The following TENM3 variants were observed in gnomAD, a reference collection of about 807,000 sequenced individuals.
TENM3 encodes the protein teneurin transmembrane protein 3.
Under a neutral mutation model 255.1 loss-of-function variants are expected in TENM3, and 63 were observed. That is an observed-to-expected ratio of 0.25 (90% CI 0.20 to 0.30). TENM3 has a LOEUF of 0.30. TENM3 is among the 10% of genes least tolerant of loss of function. The pLI is 1.00. For synonymous variants in TENM3, 1,306 were observed against 1,322.3 expected (o/e 0.99, Z 0.27); for missense variants, 2,929 against 3,461.1 (o/e 0.85, Z 3.86).
chr4:182,189,018 G>A (rs1753341872), intron 1 of TENM3, among the ~76,000 whole-genome samples: 1 of 151,972 alleles, frequency 6.6e-6, no homozygotes, highest in Admixed American at 6.6e-5. Flanking sequence ...TTTAAAAGCT[G>A]TAAGACTTTG....
intron 4 of TENM3, among the ~76,000 whole-genome samples, chr4:182,615,176 G>T (rs1162357370): frequency 6.6e-6 from 1 of 150,938 alleles, no homozygotes; most frequent in Non-Finnish European, 1.5e-5. Flanking sequence ...TTAGAATTGA[G>T]TTTTTCAGAA....
intron 3 of TENM3, among the ~76,000 whole-genome samples, chr4:182,397,598 G>C (rs186257507): frequency 6.6e-6 from 1 of 152,006 alleles, no homozygotes; most frequent in African/African-American, 2.4e-5. Context: ...CCCAGGCTGA[G>C]AAAGGTTAGA....
At chr4:182,423,052 A>T (rs12649407) in intron 3 of TENM3, among the ~76,000 whole-genome samples, 75,727 of 151,524 alleles carry the variant, frequency 0.5, 19,234 homozygotes, top group South Asian at 0.59. Flanking sequence ...AACGGATGGT[A>T]GATAGATGGT....
intron 1 of TENM3, among the ~76,000 whole-genome samples, chr4:182,279,563 C>T (rs1244580012): frequency 2.8e-4 from 42 of 151,958 alleles, no homozygotes; most frequent in Non-Finnish European, 1.2e-4. Flanking sequence ...GACAGATACT[C>T]GGGTGTACAT....
the TENM3 span, among the ~76,000 whole-genome samples, chr4:181,473,498 C>T: frequency 5.3e-5 from 8 of 151,890 alleles, no homozygotes; most frequent in South Asian, 6.2e-4. Flanking sequence ...AGGCTGAGGT[C>T]GGAGACTCAG....
chr4:182,257,847 C>A (rs1175086524), intron 1 of TENM3, among the ~76,000 whole-genome samples: 1 of 152,068 alleles, frequency 6.6e-6, no homozygotes, highest in Non-Finnish European at 1.5e-5. Flanking sequence ...TCATCTGGTC[C>A]CCATACAATG....
the TENM3 span, among the ~76,000 whole-genome samples, chr4:181,967,832 C>A: frequency 9.2e-5 from 14 of 152,258 alleles, no homozygotes; most frequent in African/African-American, 3.4e-4. Context: ...AGTTCCACCC[C>A]CCAGGCTTAC....
intron 3 of TENM3, among the ~76,000 whole-genome samples, chr4:182,540,451 T>C (rs1274246533): frequency 5.9e-5 from 9 of 152,044 alleles, no homozygotes; most frequent in Non-Finnish European, 1.2e-4. Context: ...TAGCCGGGCA[T>C]GGTGGCGCAT....
At chr4:182,578,818 C>G (rs1273932818) in intron 3 of TENM3, among the ~76,000 whole-genome samples, 1 of 152,200 alleles carries the variant, frequency 6.6e-6, no homozygotes, top group Non-Finnish European at 1.5e-5. Context: ...CCAGAACTCT[C>G]TCTTAAGTTG....
intron 3 of TENM3, among the ~76,000 whole-genome samples, chr4:182,587,523 G>A (rs894620486): frequency 7.2e-5 from 11 of 152,176 alleles, no homozygotes; most frequent in Non-Finnish European, 1.6e-4. Flanking sequence ...AGGTCGCAGT[G>A]AGCCAAGATC....
upstream of TENM3, among the ~76,000 whole-genome samples, chr4:182,242,850 G>C (rs545424819): frequency 6.6e-6 from 1 of 152,320 alleles, no homozygotes; most frequent in South Asian, 2.1e-4. Context: ...GATGAGAGAT[G>C]ATGGTAGCCT....
At chr4:181,998,309 T>A in the TENM3 span, among the ~76,000 whole-genome samples, 1 of 152,050 alleles carries the variant, frequency 6.6e-6, no homozygotes, top group Non-Finnish European at 1.5e-5. Context: ...CCACAAGGAG[T>A]ATTTAGTGAA....
chr4:181,924,318 T>C, the TENM3 span, among the ~76,000 whole-genome samples: 1 of 152,154 alleles, frequency 6.6e-6, no homozygotes, highest in African/African-American at 2.4e-5. Context: ...TGATGGACCT[T>C]TGAGTGTTGA....
chr4:182,005,043 C>A, the TENM3 span, among the ~76,000 whole-genome samples: 1 of 152,150 alleles, frequency 6.6e-6, no homozygotes, highest in South Asian at 2.1e-4. Context: ...ATGACAGATT[C>A]TTTTGCTGTG....
chr4:182,439,464 G>A lies in TENM3; in HGVS notation c.511+92535G>A, dbSNP rs147993331. Among the ~76,000 whole-genome samples the A allele has an allele frequency of 1.5e-4, 23 of 152,262 alleles. No individual in the cohort carries two copies. In the East Asian group the frequency reaches 4.3e-3, roughly 28 times the overall value. ...AGGGTATTTTAAATAATGGAAATAC[G>A]GTTTTCTACTTTAGTTTTAATCTAG... On this transcript the variant is annotated intron_variant, in intron 3 of 27. Transcript: ENST00000511685.
chr4:182,702,929 G>A (rs1168596506), intron 12 of TENM3, among the ~76,000 whole-genome samples: 1 of 151,854 alleles, frequency 6.6e-6, no homozygotes, highest in Admixed American at 6.6e-5. Context: ...GTAGAGACGG[G>A]GTTTCACCAT....
At chr4:182,254,179 A>C (rs892551296) in intron 1 of TENM3, among the ~76,000 whole-genome samples, 1 of 152,198 alleles carries the variant, frequency 6.6e-6, no homozygotes, top group African/African-American at 2.4e-5. Context: ...TGAAATCTAC[A>C]TGTGCAGTGT....
chr4:182,494,070 T>C lies in TENM3; in HGVS notation c.512-106854T>C, dbSNP rs367648524. On this transcript the variant is annotated intron_variant, in intron 3 of 27. Coordinates refer to ENST00000511685, the MANE Select transcript of TENM3 (RefSeq NM_001080477.4). ...GTATTATTTTCTGCTGATTTGCAGA[T>C]GGGTTTCGTGCATTTTCTAATTTCC... Among the ~76,000 whole-genome samples, 9 of 152,298 alleles carry C rather than the reference T, an allele frequency of 5.9e-5. 1 individual carries two copies. In the East Asian group the frequency reaches 7.7e-4, roughly 13 times the overall value.
At chr4:182,507,400 C>G (rs528368557) in intron 3 of TENM3, among the ~76,000 whole-genome samples, 3 of 152,228 alleles carry the variant, frequency 2.0e-5, no homozygotes, top group Admixed American at 1.3e-4. Flanking sequence ...AACTCATTGC[C>G]AAGTGTCTTT....
Sources: allele counts gnomAD v4.1 joint callset (sites outside exome capture counted in the v4.1 genomes callset), GRCh38; gene constraint gnomAD v4.1.1; transcripts MANE v1.5; gene names NCBI Gene and HGNC (gene_info 2026-07-23, HGNC 2026-07-21).